Variants in PHACTR1 observed in about 807,000 individuals in gnomAD.
The protein encoded by PHACTR1 is RPEL repeat containing 1.
PHACTR1 carries 16 observed loss-of-function variants against 69.2 expected under a neutral mutation model. The observed-to-expected ratio is 0.23, with a 90% CI of 0.16 to 0.35. The LOEUF (loss-of-function observed/expected upper bound fraction) is 0.35, where lower values mean the gene tolerates loss of function less well. PHACTR1 is among the 10% of genes least tolerant of loss of function. PHACTR1 has a pLI of 1.00. For synonymous variants in PHACTR1, 312 were observed against 284.5 expected (o/e 1.10, Z -0.97); for missense variants, 510 against 734.7 (o/e 0.69, Z 3.54).
chr6:12,882,954 T>C (rs1366635012), intron 4 of PHACTR1, among the ~76,000 whole-genome samples: 1 of 152,220 alleles, frequency 6.6e-6, no homozygotes, highest in Non-Finnish European at 1.5e-5. Context: ...TCCAGCACCT[T>C]CCTGCAAAGG....
chr6:12,940,094 C>T (rs532459376), intron 4 of PHACTR1, among the ~76,000 whole-genome samples: 1 of 152,102 alleles, frequency 6.6e-6, no homozygotes, highest in East Asian at 1.9e-4. Flanking sequence ...GATATAATTA[C>T]CCAAACTTTA....
intron 4 of PHACTR1, among the ~76,000 whole-genome samples, chr6:12,909,683 T>C (rs1367943049): frequency 6.6e-6 from 1 of 152,208 alleles, no homozygotes; most frequent in Admixed American, 6.5e-5. Context: ...TGTAGTACAG[T>C]TGCCAAGTGG....
chr6:13,001,297 G>A (rs1183660504), intron 4 of PHACTR1, among the ~76,000 whole-genome samples: 1 of 152,148 alleles, frequency 6.6e-6, no homozygotes, highest in African/African-American at 2.4e-5. Flanking sequence ...CTCAGCTTTC[G>A]AGTATTTTTT....
chr6:13,237,875 T>C (rs602976), intron 10 of PHACTR1, among the ~76,000 whole-genome samples: 18,703 of 152,260 alleles, frequency 0.12, 1,593 homozygotes, highest in Admixed American at 0.24. Flanking sequence ...CAATGGTATT[T>C]GTGCATGTAA....
chr6:13,165,617 A>T (rs990497789), intron 6 of PHACTR1, among the ~76,000 whole-genome samples: 1 of 152,200 alleles, frequency 6.6e-6, no homozygotes, highest in Non-Finnish European at 1.5e-5. Flanking sequence ...GCAGCAGGAT[A>T]AGGAAATAAA....
rs1770084867 is a variant in PHACTR1 at position 13,227,988 on chromosome 6, G to C, written c.1159G>C (p.Asp387His). 1 of 1,613,890 alleles carries C rather than the reference G, an allele frequency of 6.2e-7. No individual in the cohort carries two copies. The highest frequency in any genetic ancestry group is 1.7e-5 in the Admixed American group (1 of 60,004). Residue 387 changes from aspartate to histidine, a missense_variant, in exon 9 of 15, where the codon GAC (aspartate) becomes CAC (histidine). Coordinates refer to ENST00000332995, the MANE Select transcript of PHACTR1 (RefSeq NM_030948.6). ...TGTGCCTCATGAGTCAGACTACGAA[G>C]ACTCTTCTTGCCTGTATACAAGAGA... is the stretch of plus-strand genomic sequence containing the variant. ...ENVPHESDYE[D>H]SSCLYTREEE...
At chr6:13,264,458 C>T (rs1210818476) in intron 10 of PHACTR1, among the ~76,000 whole-genome samples, 1 of 152,226 alleles carries the variant, frequency 6.6e-6, no homozygotes, top group Non-Finnish European at 1.5e-5. Context: ...GTGGCTCACA[C>T]CTGTAATCCC....
chr6:13,216,503 G>A (rs1043633536), intron 8 of PHACTR1, among the ~76,000 whole-genome samples: 2 of 151,560 alleles, frequency 1.3e-5, no homozygotes, highest in Non-Finnish European at 3.0e-5. Flanking sequence ...TTGTAGTTCC[G>A]TGTTTCTTCA....
At chr6:13,098,996 C>T (rs1814718551) in intron 5 of PHACTR1, among the ~76,000 whole-genome samples, 1 of 152,178 alleles carries the variant, frequency 6.6e-6, no homozygotes, top group African/African-American at 2.4e-5. Context: ...ACTTCAGTAA[C>T]TTACAACACA....
chr6:12,976,176 T>C (rs923020796), intron 4 of PHACTR1, among the ~76,000 whole-genome samples: 1 of 152,200 alleles, frequency 6.6e-6, no homozygotes, highest in Non-Finnish European at 1.5e-5. Context: ...CATTTTGTAG[T>C]TCGGAACAAG....
intron 4 of PHACTR1, among the ~76,000 whole-genome samples, chr6:13,027,977 T>G (rs1801941852): frequency 1.3e-5 from 2 of 152,174 alleles, no homozygotes; most frequent in South Asian, 4.1e-4. Flanking sequence ...GCGCCTGGCC[T>G]GATATATGGA....
At position 12,909,238 on chromosome 6, in the gene PHACTR1, G is replaced by A. The variant is rs564717038; in HGVS notation, c.251-144127G>A. Among the ~76,000 whole-genome samples the A allele has an allele frequency of 2.0e-5, 3 of 152,268 alleles. No individual in the cohort carries two copies. The South Asian group carries it at 6.2e-4, about 32-fold the overall frequency. On this transcript the variant is annotated intron_variant, in intron 4 of 14. Transcript: ENST00000332995. Reference sequence around the variant, plus strand: ...TCTCCCCACCATTTGGTTACATGTTGATGGAAACTAGTGACCCTTCTCCCA... The same window carrying A: ...TCTCCCCACCATTTGGTTACATGTTAATGGAAACTAGTGACCCTTCTCCCA...
In PHACTR1 at chr6:13,234,819, A is replaced by T. The variant is rs114514802; in HGVS notation, c.1391+4626A>T. On this transcript the variant is annotated intron_variant, in intron 10 of 14. Coordinates refer to ENST00000332995, the MANE Select transcript of PHACTR1 (RefSeq NM_030948.6). ...TGTGGACTGCCCCAGAGACATGAACATTGGTCAACAGGGTTCACGTTGCTC... is the reference window on the plus strand; with the variant it reads ...TGTGGACTGCCCCAGAGACATGAACTTTGGTCAACAGGGTTCACGTTGCTC... Among the ~76,000 whole-genome samples, 226 of 152,310 alleles carry T rather than the reference A, an allele frequency of 1.5e-3. 1 individual carries two copies. Among genetic ancestry groups the T allele is most frequent in the African/African-American group, 4.5e-3 (186 of 41,576 alleles).
At chr6:12,970,989 A>T (rs1348399156) in intron 4 of PHACTR1, among the ~76,000 whole-genome samples, 1 of 152,188 alleles carries the variant, frequency 6.6e-6, no homozygotes, top group African/African-American at 2.4e-5. Context: ...TTTTCTCCAT[A>T]AGCTGAAACT....
intron 4 of PHACTR1, among the ~76,000 whole-genome samples, chr6:12,790,213 T>C (rs1354008186): frequency 6.6e-6 from 1 of 152,130 alleles, no homozygotes; most frequent in African/African-American, 2.4e-5. Flanking sequence ...AAAGCCAAAA[T>C]CCTGACATGA....
chr6:12,854,953 A>G (rs1780196976), intron 4 of PHACTR1, among the ~76,000 whole-genome samples: 1 of 152,214 alleles, frequency 6.6e-6, no homozygotes, highest in Non-Finnish European at 1.5e-5. Context: ...AAATTAGTAC[A>G]GCCCCTGTGG....
At chr6:13,269,522 G>A (rs1414908627) in intron 10 of PHACTR1, among the ~76,000 whole-genome samples, 1 of 152,138 alleles carries the variant, frequency 6.6e-6, no homozygotes, top group African/African-American at 2.4e-5. Flanking sequence ...TGTCTTAATG[G>A]GATTGCAAAG....
At chr6:12,987,603 C>G (rs1796338949) in intron 4 of PHACTR1, among the ~76,000 whole-genome samples, 1 of 152,038 alleles carries the variant, frequency 6.6e-6, no homozygotes. Flanking sequence ...CAGTGGAGAT[C>G]TTCAAGCAGA....
At chr6:12,951,892 TA>T (rs536248643) in intron 4 of PHACTR1, among the ~76,000 whole-genome samples, 86 of 152,336 alleles carry the variant, frequency 5.6e-4, no homozygotes, top group Non-Finnish European at 1.1e-3. Flanking sequence ...AAGAGTTTGT[TA>T]AACCTTTAGT....
Sources: allele counts gnomAD v4.1 joint callset (sites outside exome capture counted in the v4.1 genomes callset), GRCh38; gene constraint gnomAD v4.1.1; transcripts MANE v1.5; gene names NCBI Gene and HGNC (gene_info 2026-07-23, HGNC 2026-07-21).